Variants in DLG2 observed in about 807,000 individuals in gnomAD.
The protein encoded by DLG2 is disks large homolog 2.
Under a neutral mutation model 132.5 loss-of-function variants are expected in DLG2, and 45 were observed. The ratio of observed to expected loss-of-function variants is 0.34; its 90% confidence interval spans 0.27 to 0.44. The LOEUF is 0.44. DLG2 is among the 20% of genes least tolerant of loss of function. The pLI, the probability that DLG2 is intolerant of heterozygous loss-of-function variation, is 1.00. For missense variants in DLG2, 1,045 were observed against 1,196.9 expected, an observed-to-expected ratio of 0.87 and a Z score of 1.87; for synonymous variants, 424 against 419.6, an observed-to-expected ratio of 1.01 and a Z score of -0.13.
intron 7 of DLG2, among the ~76,000 whole-genome samples, chr11:84,362,296 A>G (rs1288493641): frequency 6.6e-6 from 1 of 151,970 alleles, no homozygotes; most frequent in East Asian, 1.9e-4. Flanking sequence ...TTCATAAAGC[A>G]GTCTAATGGT....
At chr11:84,975,538 A>G (rs1302202948) in intron 6 of DLG2, among the ~76,000 whole-genome samples, 2 of 152,214 alleles carry the variant, frequency 1.3e-5, no homozygotes, top group Non-Finnish European at 2.9e-5. Flanking sequence ...AGAAATATTC[A>G]AGGAGAATGA....
intron 6 of DLG2, among the ~76,000 whole-genome samples, chr11:84,791,036 A>G (rs1481566978): frequency 2.6e-5 from 4 of 152,208 alleles, no homozygotes; most frequent in Non-Finnish European, 5.9e-5. Context: ...GGGAGGCCTC[A>G]GGAAACTTAC....
intron 18 of DLG2, among the ~76,000 whole-genome samples, chr11:83,655,135 G>A (rs938617417): frequency 6.6e-6 from 1 of 152,190 alleles, no homozygotes; most frequent in Non-Finnish European, 1.5e-5. Context: ...GTATTGTAAT[G>A]AGTGGCCTCT....
chr11:83,509,661 GA>G (rs1271855251), intron 21 of DLG2, among the ~76,000 whole-genome samples: 1 of 152,100 alleles, frequency 6.6e-6, no homozygotes, highest in Non-Finnish European at 1.5e-5. Flanking sequence ...TATACCTTGT[GA>G]GTTAGTGTAT....
intron 18 of DLG2, among the ~76,000 whole-genome samples, chr11:83,638,422 G>T (rs897481175): frequency 6.6e-6 from 1 of 152,066 alleles, no homozygotes; most frequent in Non-Finnish European, 1.5e-5. Flanking sequence ...ATAAGAATTG[G>T]ACCTACCTCA....
intron 9 of DLG2, among the ~76,000 whole-genome samples, chr11:84,121,246 G>C (rs1490449584): frequency 6.6e-6 from 1 of 152,058 alleles, no homozygotes; most frequent in Non-Finnish European, 1.5e-5. Flanking sequence ...AGTCTCAGTT[G>C]TCTCTTCTAT....
rs76685439 is a variant in DLG2 at position 84,664,855 on chromosome 11, A to G, written c.358-130124T>C. Reference sequence around the variant, plus strand: ...TGTATTTCTGTTTATGATTGTTAACACCCCTCCATTGTCCTTTCCCTTAGG... The same window carrying G: ...TGTATTTCTGTTTATGATTGTTAACGCCCCTCCATTGTCCTTTCCCTTAGG... On this transcript the variant is annotated intron_variant, in intron 6 of 27. Transcript: ENST00000376104. 9.5e-3 allele frequency among the ~76,000 whole-genome samples: 1,439 copies of G among 152,014 alleles called. 24 individuals carry two copies. The highest frequency in any genetic ancestry group is 0.033 in the African/African-American group (1,364 of 41,478).
chr11:85,179,934 A>G (rs1352143663), intron 4 of DLG2, among the ~76,000 whole-genome samples: 1 of 152,002 alleles, frequency 6.6e-6, no homozygotes, highest in East Asian at 1.9e-4. Flanking sequence ...ATTGAGATTT[A>G]AAGAATTTTA....
chr11:84,307,457 C>G (rs2098232519), intron 7 of DLG2, among the ~76,000 whole-genome samples: 3 of 152,066 alleles, frequency 2.0e-5, no homozygotes, highest in Admixed American at 1.3e-4. Context: ...AATGAAGCCG[C>G]AGGCCAAGGC....
intron 6 of DLG2, among the ~76,000 whole-genome samples, chr11:84,860,492 G>A (rs556605007): frequency 6.6e-6 from 1 of 152,170 alleles, no homozygotes; most frequent in South Asian, 2.1e-4. Context: ...AAAATAAAAA[G>A]CTATATTAAT....
intron 6 of DLG2, among the ~76,000 whole-genome samples, chr11:85,039,015 T>C (rs2061633033): frequency 6.6e-6 from 1 of 152,054 alleles, no homozygotes; most frequent in African/African-American, 2.4e-5. Flanking sequence ...TATATTTACA[T>C]AACGTTTTCC....
intron 6 of DLG2, among the ~76,000 whole-genome samples, chr11:84,736,710 A>G (rs889926316): frequency 6.6e-6 from 1 of 152,006 alleles, no homozygotes; most frequent in Non-Finnish European, 1.5e-5. Context: ...ACGTAGAAAT[A>G]CAAATACAAA....
At chr11:83,508,031 A>G (rs569494284) in intron 21 of DLG2, among the ~76,000 whole-genome samples, 1 of 151,946 alleles carries the variant, frequency 6.6e-6, no homozygotes, top group African/African-American at 2.4e-5. Context: ...CCATGCTGGT[A>G]GCTGATTAGA....
chr11:84,534,223 C>A (rs1232068041), intron 7 of DLG2, among the ~76,000 whole-genome samples: 1 of 152,092 alleles, frequency 6.6e-6, no homozygotes, highest in East Asian at 1.9e-4. Flanking sequence ...CTTTGTTGGA[C>A]CACGAGTACT....
intron 7 of DLG2, among the ~76,000 whole-genome samples, chr11:84,262,712 TG>T (rs374653754): frequency 3.3e-4 from 50 of 152,208 alleles, no homozygotes; most frequent in African/African-American, 1.2e-3. Context: ...CAAAGTCCAC[TG>T]CAACATTCTT....
rs1238180099 is a variant in DLG2 at position 84,115,738 on chromosome 11, C to T, written c.625-16691G>A. ...CCTGCCCTGATAGCAACAAACTACT[C>T]TTCTCATTACCACCTTTGGTCACTT... On this transcript the variant is annotated intron_variant, in intron 9 of 27. Transcript: ENST00000376104. Among the ~76,000 whole-genome samples, 3 of 152,212 alleles carry T rather than the reference C, an allele frequency of 2.0e-5. No homozygotes were observed. In the East Asian group the frequency reaches 5.8e-4, roughly 29 times the overall value.
At chr11:84,065,103 A>T (rs984503132) in intron 10 of DLG2, among the ~76,000 whole-genome samples, 5 of 152,184 alleles carry the variant, frequency 3.3e-5, no homozygotes, top group Non-Finnish European at 7.3e-5. Flanking sequence ...TAAAACCTAA[A>T]CATATAAAAA....
chr11:84,985,739 A>C (rs1378342538), intron 6 of DLG2, among the ~76,000 whole-genome samples: 1 of 152,144 alleles, frequency 6.6e-6, no homozygotes, highest in African/African-American at 2.4e-5. Context: ...CATGCCTGTA[A>C]TCCCAGCACT....
intron 6 of DLG2, among the ~76,000 whole-genome samples, chr11:84,758,125 T>C (rs534229371): frequency 1.4e-4 from 22 of 152,358 alleles, no homozygotes; most frequent in East Asian, 3.9e-4. Flanking sequence ...AGGTAGCTCA[T>C]TGTCAGTATA....
Sources: gnomAD v4.1 joint callset for allele counts (sites outside exome capture counted in the v4.1 genomes callset) on GRCh38, gnomAD v4.1.1 for gene constraint, MANE v1.5 for transcripts, NCBI Gene and HGNC (gene_info 2026-07-23, HGNC 2026-07-21) for gene names.